WHRN: variants seen among roughly 807,000 people sequenced by gnomAD.
The protein encoded by WHRN is whirlin.
Under a neutral mutation model 68.3 loss-of-function variants are expected in WHRN, and 41 were observed. That is an observed-to-expected ratio of 0.60 (90% confidence interval 0.47 to 0.78). WHRN has a LOEUF of 0.78. WHRN is among the 30% of genes least tolerant of loss of function. The probability of loss-of-function intolerance (pLI) is 0.00; values close to 1 mark genes in which losing one functional copy is unlikely to be tolerated. For synonymous variants in WHRN, 560 were observed against 561.3 expected, an observed-to-expected ratio of 1.00 and a Z score of 0.03; for missense variants, 1,243 against 1,244.7, an observed-to-expected ratio of 1.00 and a Z score of 0.02.
chr9:114,443,848 G>T (rs1023016392), intron 3 of WHRN, among the ~76,000 whole-genome samples: 1 of 151,996 alleles, frequency 6.6e-6, no homozygotes, highest in African/African-American at 2.4e-5. Context: ...GGAAAGACAG[G>T]TTTAATGGAC....
At chr9:114,438,508 A>G (rs965475174) in intron 3 of WHRN, among the ~76,000 whole-genome samples, 12 of 140,658 alleles carry the variant, frequency 8.5e-5, no homozygotes, top group Admixed American at 8.2e-4. Flanking sequence ...GCTGGAGTGC[A>G]GTGGCGCAAT....
intron 1 of WHRN, 82 bp from the exon 2 acceptor site, chr9:114,478,853 G>A (rs746230929): frequency 2.3e-5 from 32 of 1,377,792 alleles, no homozygotes; most frequent in Non-Finnish European, 2.7e-5. Context: ...CCAGACCTTG[G>A]TTTTTCTCAG....
At chr9:114,429,719 T>C (rs1040068550) in intron 3 of WHRN, among the ~76,000 whole-genome samples, 4 of 152,184 alleles carry the variant, frequency 2.6e-5, no homozygotes, top group African/African-American at 9.7e-5. Flanking sequence ...CATGCAGGTG[T>C]GGATACTGCC....
intron 1 of WHRN, among the ~76,000 whole-genome samples, chr9:114,486,812 G>C (rs1325104187): frequency 6.5e-5 from 5 of 76,706 alleles, no homozygotes; most frequent in Non-Finnish European, 8.9e-5. Context: ...CAGCTTCCCA[G>C]GCAAAAAAAA....
At chr9:114,418,187 C>T (rs113872748) in intron 7 of WHRN, among the ~76,000 whole-genome samples, 3 of 152,302 alleles carry the variant, frequency 2.0e-5, no homozygotes, top group African/African-American at 7.2e-5. Context: ...TCCATCAGGT[C>T]TATAAACCAC....
At chr9:114,439,990 G>A (rs1838229041) in intron 3 of WHRN, among the ~76,000 whole-genome samples, 1 of 152,138 alleles carries the variant, frequency 6.6e-6, no homozygotes. Flanking sequence ...TCAGCTCATT[G>A]CAACCTCCGT....
intron 3 of WHRN, among the ~76,000 whole-genome samples, chr9:114,460,357 C>T (rs1840144083): frequency 1.3e-5 from 2 of 152,228 alleles, no homozygotes; most frequent in African/African-American, 4.8e-5. Flanking sequence ...ATGTCCGCCA[C>T]AGGGCTACCG....
Position 114,406,946 on chromosome 9 carries a change from G to T in WHRN, c.1699-54C>A, listed in dbSNP as rs1835083020. 4 of 1,546,024 alleles carry T rather than the reference G, an allele frequency of 2.6e-6. No homozygotes were observed. In the South Asian group the frequency reaches 3.6e-5, roughly 14 times the overall value. On this transcript the variant is annotated intron_variant, in intron 8 of 11. Transcript: ENST00000362057. ...GAGTCAGACCCCATCACGCCTGGAA[G>T]AGGGGAGGCCGAGCAGCTGAGTGGT...
intron 3 of WHRN, among the ~76,000 whole-genome samples, chr9:114,438,976 A>C (rs1378043081): frequency 6.6e-6 from 1 of 152,230 alleles, no homozygotes; most frequent in African/African-American, 2.4e-5. Flanking sequence ...GCACTGACAT[A>C]ACAGGATTTC....
chr9:114,454,856 G>C (rs1839639302), intron 3 of WHRN, among the ~76,000 whole-genome samples: 1 of 152,162 alleles, frequency 6.6e-6, no homozygotes, highest in African/African-American at 2.4e-5. Context: ...GTTAATGAAA[G>C]GCTGGGTGCG....
rs185300370 is a variant in WHRN at position 114,403,176 on chromosome 9, G to T, written c.2541+41C>A. On this transcript the variant is annotated intron_variant, in intron 11 of 11. Transcript: ENST00000362057. ...GGAGATGCTGAGAAAGGGCCTTTCA[G>T]GGGTAGGGAGAGATGGCAAGTGGGG... 1.9e-6 allele frequency: 3 copies of T among 1,612,960 alleles called. No homozygotes were observed. The African/African-American group carries it at 4.0e-5, about 21-fold the overall frequency.
chr9:114,432,820 C>T (rs1480905334), intron 3 of WHRN, among the ~76,000 whole-genome samples: 1 of 152,172 alleles, frequency 6.6e-6, no homozygotes, highest in Non-Finnish European at 1.5e-5. Context: ...GCCATAAATG[C>T]AATAAATGCA....
At chr9:114,405,692 T>C (rs1834976202) in intron 9 of WHRN, among the ~76,000 whole-genome samples, 1 of 152,246 alleles carries the variant, frequency 6.6e-6, no homozygotes, top group African/African-American at 2.4e-5. Flanking sequence ...TTTTGCATCT[T>C]GGTCTGTGCA....
intron 7 of WHRN, among the ~76,000 whole-genome samples, chr9:114,409,897 C>A (rs971314055): frequency 6.6e-6 from 1 of 151,934 alleles, no homozygotes; most frequent in African/African-American, 2.4e-5. Flanking sequence ...GGGAGTCATG[C>A]CAGAAACACA....
chr9:114,423,208 G>T, intron 7 of WHRN, 106 bp downstream of exon 7: 1 of 1,180,288 alleles, frequency 8.5e-7, no homozygotes, highest in Non-Finnish European at 1.3e-6. Flanking sequence ...GCACACAGCT[G>T]GTAAGTGGTG....
chr9:114,486,298 C>T (rs1842468000), intron 1 of WHRN, among the ~76,000 whole-genome samples: 1 of 152,182 alleles, frequency 6.6e-6, no homozygotes, highest in Non-Finnish European at 1.5e-5. Flanking sequence ...CCCACGACCT[C>T]CAGAAAAGCT....
chr9:114,426,243 G>C lies in WHRN; in HGVS notation c.1134C>G (p.Ser378=). 10 of 1,612,616 alleles carry C rather than the reference G, an allele frequency of 6.2e-6. No homozygotes were observed. Among genetic ancestry groups the C allele is most frequent in the Non-Finnish European group, 8.5e-6 (10 of 1,180,034 alleles). ...TVDETKWIAS[S]RIRETMANSA... The stretch of plus-strand genomic sequence containing the variant: ...AGTTCGCCATGGTCTCCCTGATCCG[G>C]GAACTGGCGATCCACTTGGTCTCGT... The change falls in exon 4 of 12, where the codon TCC becomes TCG. Residue 378 remains serine (S), a synonymous_variant. Transcript: ENST00000362057.
chr9:114,406,770 G>A lies in WHRN; in HGVS notation c.1821C>T (p.Leu607=). ...GQPRKLGRED[L]QPPSSMPSCS... is the part of the protein sequence containing the mutation. ...AGGAAGGCATGGAGGAAGGTGGCTG[G>A]AGGTCCTCTCTCCCCAGCTTCCTTG... Residue 607 remains leucine, a synonymous_variant, in exon 9 of 12, where the codon CTC becomes CTT. Transcript: ENST00000362057. 5.0e-6 allele frequency: 8 copies of A among 1,614,122 alleles called. No individual in the cohort carries two copies. The highest frequency in any genetic ancestry group is 2.2e-5 in the South Asian group (2 of 91,078).
At chr9:114,423,053 G>T (rs1259413641) in intron 7 of WHRN, among the ~76,000 whole-genome samples, 1 of 151,618 alleles carries the variant, frequency 6.6e-6, no homozygotes, top group Non-Finnish European at 1.5e-5. Flanking sequence ...TTCTCCCCCA[G>T]CTTCCCAGAC....
Sources: gnomAD v4.1 joint callset for allele counts (sites outside exome capture counted in the v4.1 genomes callset) on GRCh38, gnomAD v4.1.1 for gene constraint, MANE v1.5 for transcripts, NCBI Gene and HGNC (gene_info 2026-07-23, HGNC 2026-07-21) for gene names.